The following WDR27 variants were observed in gnomAD, a reference collection of about 807,000 sequenced individuals.
WDR27 encodes WD repeat-containing protein 27.
A neutral mutation model predicts 114.4 loss-of-function variants in WDR27; 100 were observed. The observed-to-expected ratio is 0.87, with a 90% CI of 0.74 to 1.03. The LOEUF (loss-of-function observed/expected upper bound fraction) is 1.03, where lower values mean the gene tolerates loss of function less well. WDR27 is among the 50% of genes least tolerant of loss of function. The pLI is 0.00. For missense variants in WDR27, 1,129 were observed against 1,092.9 expected (o/e 1.03, Z -0.47); for synonymous variants, 449 against 423.1 (o/e 1.06, Z -0.75).
intron 25 of WDR27, among the ~76,000 whole-genome samples, chr6:169,461,656 A>T (rs1562445250): frequency 1.3e-5 from 2 of 150,792 alleles, no homozygotes; most frequent in African/African-American, 4.9e-5. Flanking sequence ...TTAAAAAAAA[A>T]ACAAAACAAG....
chr6:169,607,393 T>TACACACACACACAC (rs199658563), intron 22 of WDR27, among the ~76,000 whole-genome samples: 1,294 of 99,452 alleles, frequency 0.013, 16 homozygotes, highest in African/African-American at 0.037. Flanking sequence ...TGTGTGTGTA[T>TACACACACACACAC]ACACACACAC....
Position 169,472,983 on chromosome 6 carries a change from T to G in WDR27, c.2646-15349A>C, listed in dbSNP as rs559563442. ...CAGTCTGCAAAACACTGCTACAAAT[T>G]TTATACTAATGACATATTGGAACAT... On this transcript the variant is annotated intron_variant, in intron 25 of 25. Transcript: ENST00000448612. Among the ~76,000 whole-genome samples the G allele has an allele frequency of 4.5e-3, 686 of 152,316 alleles. 7 individuals are homozygous for G. The highest frequency in any genetic ancestry group is 0.016 in the African/African-American group (653 of 41,566).
chr6:169,477,651 C>T (rs1787369145), intron 25 of WDR27, among the ~76,000 whole-genome samples: 1 of 152,176 alleles, frequency 6.6e-6, no homozygotes, highest in South Asian at 2.1e-4. Context: ...GTTAGCTAGG[C>T]TGGTCTTGAA....
rs1364345797 is a variant in WDR27 at position 169,658,353 on chromosome 6, C to A, written c.1325G>T (p.Cys442Phe). 1.3e-6 allele frequency: 2 copies of A among 1,593,676 alleles called. No individual in the cohort carries two copies. The highest frequency in any genetic ancestry group is 1.7e-6 in the Non-Finnish European group (2 of 1,170,328). The change falls in exon 13 of 26, where the codon TGT becomes TTT. Residue 442 changes from cysteine to phenylalanine, a missense_variant. Coordinates refer to ENST00000448612, the MANE Select transcript of WDR27 (RefSeq NM_182552.5). ...ATACAGTGGAGAGGTCGGTAGGACA[C>A]AGGAGCTGAAACAGAAACAAGCCCC... ...GQSLSVPASS[C>F]VLPTSPLYLG...
At chr6:169,443,441 G>A in the WDR27 span, among the ~76,000 whole-genome samples, 1 of 152,044 alleles carries the variant, frequency 6.6e-6, no homozygotes, top group East Asian at 1.9e-4. Flanking sequence ...ATGGAAATTT[G>A]CACCTGGGGT....
At chr6:169,514,080 G>C (rs1358150624) in intron 25 of WDR27, among the ~76,000 whole-genome samples, 8 of 152,004 alleles carry the variant, frequency 5.3e-5, no homozygotes, top group Non-Finnish European at 1.2e-4. Context: ...CGTTATTTCA[G>C]GATGGATGAA....
At chr6:169,437,830 C>T in the WDR27 span, among the ~76,000 whole-genome samples, 70 of 152,018 alleles carry the variant, frequency 4.6e-4, no homozygotes, top group African/African-American at 1.5e-3. Flanking sequence ...TATTGTGGCC[C>T]GATGCTGGCC....
intron 5 of WDR27, 183 bp from the exon 6 acceptor site, chr6:169,667,370 A>G: frequency 8.2e-7 from 1 of 1,226,486 alleles, no homozygotes; most frequent in African/African-American, 1.6e-5. Context: ...GTCAGAATCA[A>G]AAAGAAAAAA....
At chr6:169,433,869 G>T in the WDR27 span, among the ~76,000 whole-genome samples, 2 of 152,284 alleles carry the variant, frequency 1.3e-5, no homozygotes, top group Admixed American at 6.5e-5. Context: ...TCATATGTTT[G>T]TTGGCCACAT....
intron 25 of WDR27, among the ~76,000 whole-genome samples, chr6:169,484,280 C>T (rs945997068): frequency 7.9e-5 from 12 of 152,152 alleles, no homozygotes; most frequent in Non-Finnish European, 1.3e-4. Context: ...AAAACCCTAT[C>T]GTCTCAGCCC....
At chr6:169,444,875 G>C in the WDR27 span, among the ~76,000 whole-genome samples, 1 of 152,108 alleles carries the variant, frequency 6.6e-6, no homozygotes, top group Admixed American at 6.5e-5. Flanking sequence ...CCTTTTGCCA[G>C]AGGCTGCACA....
At chr6:169,700,397 T>C (rs144896426) in intron 1 of WDR27, among the ~76,000 whole-genome samples, 189 of 152,354 alleles carry the variant, frequency 1.2e-3, no homozygotes, top group African/African-American at 4.4e-3. Flanking sequence ...CGGTAAGTGC[T>C]GTTCCTTTTC....
At chr6:169,687,960 A>C (rs1329840267) in intron 2 of WDR27, among the ~76,000 whole-genome samples, 1 of 152,208 alleles carries the variant, frequency 6.6e-6, no homozygotes, top group Non-Finnish European at 1.5e-5. Context: ...AGACATAGGA[A>C]AGAATCTAGC....
At chr6:169,460,848 T>C (rs1784820953) in intron 25 of WDR27, among the ~76,000 whole-genome samples, 1 of 152,226 alleles carries the variant, frequency 6.6e-6, no homozygotes, top group Admixed American at 6.5e-5. Context: ...TTATTTGCAT[T>C]GGTTAAAGAA....
At chr6:169,581,338 T>TG (rs1803386907) in intron 24 of WDR27, among the ~76,000 whole-genome samples, 1 of 152,122 alleles carries the variant, frequency 6.6e-6, no homozygotes, top group Non-Finnish European at 1.5e-5. Flanking sequence ...CCCACCCTGC[T>TG]GGGTCTAGCT....
chr6:169,630,994 TTAG>T (rs1306301980), intron 21 of WDR27, among the ~76,000 whole-genome samples: 16 of 152,356 alleles, frequency 1.1e-4, no homozygotes, highest in Admixed American at 2.6e-4. Context: ...TACTGCGAAA[TTAG>T]TAGTATCAGA....
intron 21 of WDR27, among the ~76,000 whole-genome samples, chr6:169,621,547 C>G (rs767472166): frequency 4.0e-5 from 6 of 151,714 alleles, no homozygotes; most frequent in Non-Finnish European, 5.9e-5. Context: ...CACGCATATA[C>G]ATACACACAC....
At chr6:169,517,097 T>C (rs1306094819) in intron 25 of WDR27, among the ~76,000 whole-genome samples, 3 of 152,020 alleles carry the variant, frequency 2.0e-5, no homozygotes, top group Non-Finnish European at 4.4e-5. Flanking sequence ...TGGGGGTGGA[T>C]CCTTCATGGC....
chr6:169,553,058 CTG>C (rs3033612), intron 25 of WDR27, among the ~76,000 whole-genome samples: 363 of 30,162 alleles, frequency 0.012, 17 homozygotes, highest in African/African-American at 0.034. Context: ...CCTGGAGGGC[CTG>C]TGTGTGTGTG....
Sources: allele counts gnomAD v4.1 joint callset (sites outside exome capture counted in the v4.1 genomes callset), GRCh38; gene constraint gnomAD v4.1.1; transcripts MANE v1.5; gene names NCBI Gene and HGNC (gene_info 2026-07-23, HGNC 2026-07-21).